ADK: variants seen among roughly 807,000 people sequenced by gnomAD.
The protein encoded by ADK is adenosine kinase, also known as N6,N6-dimethyladenosine kinase.
A neutral mutation model predicts 44.7 loss-of-function variants in ADK; 24 were observed. That is an observed-to-expected ratio of 0.54 (90% confidence interval 0.39 to 0.76). ADK has a LOEUF of 0.76. Ranked by LOEUF, ADK falls within the 30% of genes least tolerant of loss-of-function variation. ADK has a pLI of 0.00. For synonymous variants in ADK, 128 were observed against 142.6 expected (o/e 0.90, Z 0.73); for missense variants, 321 against 425.1 (o/e 0.76, Z 2.15).
At chr10:74,581,422 G>A (rs1851370719) in intron 7 of ADK, among the ~76,000 whole-genome samples, 1 of 152,104 alleles carries the variant, frequency 6.6e-6, no homozygotes. Flanking sequence ...AAAACAAGCA[G>A]TGTCACTGTG....
At chr10:74,331,779 C>G (rs1479143810) in intron 4 of ADK, among the ~76,000 whole-genome samples, 1 of 152,192 alleles carries the variant, frequency 6.6e-6, no homozygotes, top group African/African-American at 2.4e-5. Context: ...AGCCACTGCA[C>G]CCAGCCAACA....
chr10:74,474,983 G>A (rs1206925966), intron 6 of ADK, among the ~76,000 whole-genome samples: 1 of 151,940 alleles, frequency 6.6e-6, no homozygotes, highest in Non-Finnish European at 1.5e-5. Flanking sequence ...AAATTAACTG[G>A]GCGTGGTGGC....
At chr10:74,632,887 C>G (rs1853491162) in intron 9 of ADK, among the ~76,000 whole-genome samples, 1 of 152,070 alleles carries the variant, frequency 6.6e-6, no homozygotes, top group African/African-American at 2.4e-5. Flanking sequence ...ATTTCTCCTT[C>G]CTTTTTATTT....
intron 6 of ADK, among the ~76,000 whole-genome samples, chr10:74,484,534 C>A (rs1222405312): frequency 6.6e-6 from 1 of 152,104 alleles, no homozygotes; most frequent in Non-Finnish European, 1.5e-5. Flanking sequence ...TCAATTCTCC[C>A]TACAGTGAGC....
At position 74,573,712 on chromosome 10, in the gene ADK, G is replaced by A. The variant is rs563464575; in HGVS notation, c.727-15570G>A. Among the ~76,000 whole-genome samples, 1,085 of 152,256 alleles carry A rather than the reference G, an allele frequency of 7.1e-3. 3 individuals carry two copies. Among genetic ancestry groups the A allele is most frequent in the Middle Eastern group, 0.024 (7 of 294 alleles). On this transcript the variant is annotated intron_variant, in intron 7 of 10. Coordinates refer to ENST00000539909, the MANE Select transcript of ADK (RefSeq NM_006721.4). ...TACCCAAGCAAGCCTCGGCAATGGC[G>A]GGCGCCCCTCCCCCAGCCTCGCTGC...
chr10:74,493,153 G>A (rs1847547218), intron 6 of ADK, among the ~76,000 whole-genome samples: 1 of 151,864 alleles, frequency 6.6e-6, no homozygotes, highest in African/African-American at 2.4e-5. Flanking sequence ...AATCATGTAG[G>A]GTATAAGATA....
intron 10 of ADK, among the ~76,000 whole-genome samples, chr10:74,688,743 C>A (rs1855876907): frequency 6.6e-6 from 1 of 151,990 alleles, no homozygotes; most frequent in Non-Finnish European, 1.5e-5. Flanking sequence ...CGTGAGACCC[C>A]CATTGGTATC....
chr10:74,303,975 A>C (rs900275255), intron 3 of ADK, among the ~76,000 whole-genome samples: 4 of 152,044 alleles, frequency 2.6e-5, no homozygotes, highest in Non-Finnish European at 4.4e-5. Flanking sequence ...TGTCTCAAAA[A>C]AAAAAAAAGG....
chr10:74,563,900 T>A lies in ADK; in HGVS notation c.727-25382T>A, dbSNP rs1397212509. ...TTCTTTTTTATTTATTTATTTATTT[T>A]TTATTATTATACTTTAAGTTTTAGG... On this transcript the variant is annotated intron_variant, in intron 7 of 10. Transcript: ENST00000539909. Among the ~76,000 whole-genome samples, 3 of 151,316 alleles carry A rather than the reference T, an allele frequency of 2.0e-5. No individual in the cohort carries two copies. In the East Asian group the frequency reaches 5.8e-4, roughly 29 times the overall value.
intron 1 of ADK, chr10:74,177,000 C>G (rs1189290385): frequency 2.8e-6 from 4 of 1,446,976 alleles, no homozygotes; most frequent in Non-Finnish European, 3.8e-6. Context: ...GCCTCTGGTC[C>G]CCCTCGTGTT....
At chr10:74,312,397 A>G (rs1297857241) in intron 3 of ADK, among the ~76,000 whole-genome samples, 2 of 149,944 alleles carry the variant, frequency 1.3e-5, no homozygotes, top group East Asian at 3.9e-4. Context: ...TTTTTTCTTA[A>G]CCTGGGTAGT....
chr10:74,393,315 T>C (rs1843401142), intron 4 of ADK, among the ~76,000 whole-genome samples: 1 of 152,320 alleles, frequency 6.6e-6, no homozygotes, highest in Non-Finnish European at 1.5e-5. Context: ...CACTATAGAA[T>C]ATTAGAACCC....
At chr10:74,665,736 TGAGA>T (rs59620474) in intron 9 of ADK, among the ~76,000 whole-genome samples, 9,543 of 116,022 alleles carry the variant, frequency 0.082, 370 homozygotes, top group Middle Eastern at 0.13. Context: ...CCTTAGCTCT[TGAGA>T]GAGAGAGAGA....
At chr10:74,585,676 A>G (rs1319836976) in intron 7 of ADK, among the ~76,000 whole-genome samples, 1 of 152,176 alleles carries the variant, frequency 6.6e-6, no homozygotes, top group East Asian at 1.9e-4. Flanking sequence ...CTGTAAATAT[A>G]ATGATTATCA....
At chr10:74,564,245 A>G (rs1165520439) in intron 7 of ADK, among the ~76,000 whole-genome samples, 1 of 152,200 alleles carries the variant, frequency 6.6e-6, no homozygotes, top group Admixed American at 6.5e-5. Context: ...GAAATCCCCC[A>G]GAAAGACGAT....
At chr10:74,156,620 G>A (rs1841756806) in intron 1 of ADK, among the ~76,000 whole-genome samples, 1 of 152,098 alleles carries the variant, frequency 6.6e-6, no homozygotes, top group Admixed American at 6.5e-5. Context: ...ACAGTTAGGT[G>A]GGGGAAAAAA....
At chr10:74,694,146 C>CTTTT (rs1266786094) in intron 10 of ADK, among the ~76,000 whole-genome samples, 20 of 36,308 alleles carry the variant, frequency 5.5e-4, no homozygotes, top group East Asian at 2.0e-3. Flanking sequence ...TTTTCAAACA[C>CTTTT]ATTTTTTTTT....
chr10:74,652,743 C>A (rs1022436892), intron 9 of ADK, among the ~76,000 whole-genome samples: 1 of 150,428 alleles, frequency 6.6e-6, no homozygotes, highest in Non-Finnish European at 1.5e-5. Flanking sequence ...CTGGGCGATA[C>A]GGCGAGACTT....
intron 9 of ADK, among the ~76,000 whole-genome samples, chr10:74,624,144 A>G (rs1564824307): frequency 6.6e-6 from 1 of 151,816 alleles, no homozygotes; most frequent in Non-Finnish European, 1.5e-5. Context: ...ATAGTTAACT[A>G]TTGCCTTATT....
Sources: allele counts gnomAD v4.1 joint callset (sites outside exome capture counted in the v4.1 genomes callset), GRCh38; gene constraint gnomAD v4.1.1; transcripts MANE v1.5; gene names NCBI Gene and HGNC (gene_info 2026-07-23, HGNC 2026-07-21).